The following MOK variants were observed in gnomAD, a reference collection of about 807,000 sequenced individuals.
The protein encoded by MOK is MOK protein kinase.
Under a neutral mutation model 54.2 loss-of-function variants are expected in MOK, and 59 were observed. The observed-to-expected ratio is 1.09, with a 90% CI of 0.88 to 1.35. The LOEUF is 1.35. Ranked by LOEUF, MOK falls within the 40% of genes most tolerant of loss-of-function variation. The pLI is 0.00. For synonymous variants in MOK, 210 were observed against 202.7 expected, an observed-to-expected ratio of 1.04 and a Z score of -0.31; for missense variants, 517 against 526.2, an observed-to-expected ratio of 0.98 and a Z score of 0.17.
intron 1 of MOK, among the ~76,000 whole-genome samples, chr14:102,299,312 G>A (rs989468134): frequency 6.6e-6 from 1 of 152,078 alleles, no homozygotes; most frequent in Non-Finnish European, 1.5e-5. Flanking sequence ...TCAGGAGTTC[G>A]AGACCAACCT....
At chr14:102,276,071 A>C (rs1245047342) in intron 2 of MOK, among the ~76,000 whole-genome samples, 1 of 152,192 alleles carries the variant, frequency 6.6e-6, no homozygotes, top group Non-Finnish European at 1.5e-5. Context: ...TAGAAACTAA[A>C]ACTACCATGA....
intron 1 of MOK, among the ~76,000 whole-genome samples, chr14:102,286,319 A>AG (rs2070086217): frequency 7.1e-6 from 1 of 140,458 alleles, no homozygotes; most frequent in African/African-American, 2.7e-5. Flanking sequence ...AAAAAAAAAA[A>AG]AAAAAAGATG....
intron 2 of MOK, among the ~76,000 whole-genome samples, chr14:102,273,256 G>C (rs1404671187): frequency 8.4e-6 from 1 of 118,696 alleles, no homozygotes. Flanking sequence ...AAAATCCTAA[G>C]AAAGCAACCA....
At position 102,232,799 on chromosome 14, in the gene MOK, G is replaced by T; in HGVS notation, c.693-91C>A. 1 of 1,224,452 alleles carries T rather than the reference G, an allele frequency of 8.2e-7. No homozygotes were observed. Among genetic ancestry groups the T allele is most frequent in the Non-Finnish European group, 1.2e-6 (1 of 863,570 alleles). 75.8% of individuals were successfully genotyped at this position (1,224,452 alleles called of 1,614,324 possible). ...CACAACTAAGGGCCCTGTGTGGTGG[G>T]GAATGGTTTATGACTGCAGAGTCTA... On this transcript the variant is annotated intron_variant, in intron 8 of 11. Transcript: ENST00000361847. This position sits in a 1 kb window ranked among gnomAD's most constrained non-coding sequence, Gnocchi z 5.1.
In MOK at chr14:102,283,524, CTCTCAG is replaced by C. The variant is rs529037514; in HGVS notation, c.70_75del (p.Leu24_Arg25del). On this transcript the variant is annotated inframe_deletion, in exon 2 of 12. Coordinates refer to ENST00000361847, the MANE Select transcript of MOK (RefSeq NM_014226.3). ...TGTTTACATGCATAGTAGTTTCCAT[CTCTCAG>C]GCTTTGCATCTTCATAACTTCAGAA... is the stretch of plus-strand genomic sequence containing the variant. 3.2e-4 allele frequency: 517 copies of C among 1,613,728 alleles called. 4 individuals are homozygous for C. The African/African-American group carries it at 6.3e-3, about 20-fold the overall frequency.
At chr14:102,275,957 A>G (rs1309311653) in intron 2 of MOK, among the ~76,000 whole-genome samples, 1 of 152,190 alleles carries the variant, frequency 6.6e-6, no homozygotes, top group Non-Finnish European at 1.5e-5. Context: ...CTTAAGGTCT[A>G]AATTTTTAAA....
At chr14:102,273,298 A>T (rs1166324655) in intron 2 of MOK, among the ~76,000 whole-genome samples, 2 of 147,828 alleles carry the variant, frequency 1.4e-5, no homozygotes. Context: ...AAAAAAAAAT[A>T]AGTGAATCCT....
At position 102,231,959 on chromosome 14, in the gene MOK, A is replaced by T. The variant is rs2064768707; in HGVS notation, c.867-138T>A. 3.1e-6 allele frequency: 2 copies of T among 638,354 alleles called. No homozygotes were observed. The highest frequency in any genetic ancestry group is 5.2e-6 in the Non-Finnish European group (2 of 385,994). 39.5% of individuals were successfully genotyped at this position (638,354 alleles called of 1,614,324 possible). A position where few individuals can be genotyped will look rare whatever the true frequency, so the allele number is the denominator to read the frequency against. On this transcript the variant is annotated intron_variant, in intron 9 of 11. Coordinates refer to ENST00000361847, the MANE Select transcript of MOK (RefSeq NM_014226.3). This position sits in a 1 kb window ranked among gnomAD's most constrained non-coding sequence, Gnocchi z 4.4. ...CTTTTCTGCCTGAGCTGTAATCAGG[A>T]GCCTTTTTTTTTCTTTTCTGTCTCA...
downstream of MOK, among the ~76,000 whole-genome samples, chr14:102,228,550 A>T (rs1448593600): frequency 6.6e-6 from 1 of 152,114 alleles, no homozygotes. Flanking sequence ...ATACAAAAAA[A>T]TCAGCCGGGC....
intron 7 of MOK, among the ~76,000 whole-genome samples, chr14:102,246,861 A>G (rs2066133033): frequency 6.6e-6 from 1 of 151,642 alleles, no homozygotes; most frequent in African/African-American, 2.4e-5. Flanking sequence ...CATTCCCCTC[A>G]GCCACCTAAA....
chr14:102,267,437 G>T (rs539550977), intron 2 of MOK, among the ~76,000 whole-genome samples: 1 of 152,042 alleles, frequency 6.6e-6, no homozygotes, highest in Non-Finnish European at 1.5e-5. Flanking sequence ...GCAGTGGCAC[G>T]TGCCTGTAAT....
In MOK at chr14:102,304,763, G is replaced by C. The variant is rs2072597049; in HGVS notation, c.7+199C>G. 2.0e-5 allele frequency among the ~76,000 whole-genome samples: 3 copies of C among 151,906 alleles called. No homozygotes were observed. The South Asian group carries it at 6.3e-4, about 32-fold the overall frequency. On this transcript the variant is annotated intron_variant, in intron 1 of 11. Coordinates refer to ENST00000361847, the MANE Select transcript of MOK (RefSeq NM_014226.3). ...TCCCAACCTAGCCCCAACCCCTCAAGCTTCCCCCAGGGGCACCGGCTTCTC... is the reference window on the plus strand; with the variant it reads ...TCCCAACCTAGCCCCAACCCCTCAACCTTCCCCCAGGGGCACCGGCTTCTC...
At chr14:102,229,932 C>T (rs2064518468) in intron 10 of MOK, 2 of 425,524 alleles carry the variant, frequency 4.7e-6, no homozygotes, top group Non-Finnish European at 4.2e-6. Context: ...CTGTGGTGCC[C>T]ACGCCTCCTG....
chr14:102,264,904 A>C (rs1011569449), intron 3 of MOK, among the ~76,000 whole-genome samples: 1 of 152,170 alleles, frequency 6.6e-6, no homozygotes, highest in African/African-American at 2.4e-5. Context: ...TCTAGCCCAC[A>C]GCAAAGAAGG....
In MOK at chr14:102,273,142, C is replaced by T. The variant is rs574961511; in HGVS notation, c.123-7230G>A. 8.6e-5 allele frequency among the ~76,000 whole-genome samples: 13 copies of T among 151,544 alleles called. 1 individual carries two copies. In the South Asian group the frequency reaches 2.7e-3, roughly 32 times the overall value. ...CTGAGATCGCGCCACTGCACTCCAG[C>T]ATGGGCAACAGAGCAAAACTCCGTC... is the stretch of plus-strand genomic sequence containing the variant. On this transcript the variant is annotated intron_variant, in intron 2 of 11. Transcript: ENST00000361847.
chr14:102,259,746 G>A (rs991958360), intron 4 of MOK, among the ~76,000 whole-genome samples: 7 of 152,092 alleles, frequency 4.6e-5, no homozygotes, highest in African/African-American at 1.7e-4. Context: ...TTTCAAATGA[G>A]GATAATAACA....
chr14:102,255,923 A>T (rs993172627), intron 4 of MOK, among the ~76,000 whole-genome samples: 1 of 152,126 alleles, frequency 6.6e-6, no homozygotes, highest in African/African-American at 2.4e-5. Flanking sequence ...GATACTAATA[A>T]TTTTAAAAAC....
At chr14:102,221,227 C>T (rs557936160), downstream of MOK, among the ~76,000 whole-genome samples, 234 of 152,332 alleles carry the variant, frequency 1.5e-3, 2 homozygotes, top group African/African-American at 5.4e-3. This position sits in a 1 kb window ranked among gnomAD's most constrained non-coding sequence, Gnocchi z 4.8. Context: ...CTCCGTCTGT[C>T]CCCAGGCTGG....
chr14:102,284,270 T>C (rs926082213), intron 1 of MOK, among the ~76,000 whole-genome samples: 1 of 151,958 alleles, frequency 6.6e-6, no homozygotes, highest in African/African-American at 2.4e-5. Context: ...ATATGTTAGT[T>C]TGGCTTATTG....
Sources: gnomAD v4.1 joint callset for allele counts (sites outside exome capture counted in the v4.1 genomes callset) on GRCh38, gnomAD v4.1.1 for gene constraint, Gnocchi (gnomAD v3.1) non-coding constraint, MANE v1.5 for transcripts, NCBI Gene and HGNC (gene_info 2026-07-23, HGNC 2026-07-21) for gene names.